Variants in GPM6A observed in about 807,000 individuals in gnomAD.
GPM6A encodes neuronal membrane glycoprotein M6-a.
Under a neutral mutation model 32.1 loss-of-function variants are expected in GPM6A, and 7 were observed. The observed-to-expected ratio is 0.22, with a 90% CI of 0.12 to 0.41. GPM6A has a LOEUF of 0.41. Among genes scored for constraint, GPM6A ranks in the 10% least tolerant of loss-of-function variants. The pLI is 1.00. For missense variants in GPM6A, 235 were observed against 347.2 expected, an observed-to-expected ratio of 0.68 and a Z score of 2.57; for synonymous variants, 130 against 123.4, an observed-to-expected ratio of 1.05 and a Z score of -0.35.
At chr4:175,962,395 C>G in intron 1 of GPM6A, 1 of 735,974 alleles carries the variant, frequency 1.4e-6, no homozygotes, top group Non-Finnish European at 2.5e-6. Context: ...TCCACCCTCA[C>G]CAAGAACACT....
At chr4:175,862,755 G>A (rs770877589) in intron 1 of GPM6A, among the ~76,000 whole-genome samples, 3 of 150,502 alleles carry the variant, frequency 2.0e-5, no homozygotes, top group African/African-American at 7.3e-5. Context: ...TCTTTTCTAT[G>A]AGTCTCCATT....
At chr4:175,803,213 A>G (rs1361784774) in intron 1 of GPM6A, among the ~76,000 whole-genome samples, 4 of 150,546 alleles carry the variant, frequency 2.7e-5, no homozygotes, top group Non-Finnish European at 5.9e-5. Context: ...ATCAGCTATG[A>G]ATGGGTTTGT....
At chr4:175,812,304 T>TTTTTTG, upstream of GPM6A, 5 of 980,788 alleles carry the variant, frequency 5.1e-6, no homozygotes, top group Non-Finnish European at 5.1e-6. Context: ...ACTGGGGGTT[T>TTTTTTG]TTTTTTTTTT....
At chr4:175,846,590 A>C (rs1736094918) in intron 1 of GPM6A, among the ~76,000 whole-genome samples, 1 of 152,118 alleles carries the variant, frequency 6.6e-6, no homozygotes. Flanking sequence ...ATATGGTGCA[A>C]ATTTGGTTAC....
rs566270891 is a variant in GPM6A at position 175,792,072 on chromosome 4, T to G, written c.37+20119A>C. Among the ~76,000 whole-genome samples the G allele has an allele frequency of 3.4e-4, 52 of 152,310 alleles. 3 individuals carry two copies. In the South Asian group the frequency reaches 0.011, roughly 31 times the overall value. ...TAAAGCTACAAATAAATGATTGTAT[T>G]TGTTTACAGTATAACAGTTATTGAC... On this transcript the variant is annotated intron_variant, in intron 1 of 6. Coordinates refer to ENST00000393658, the MANE Select transcript of GPM6A (RefSeq NM_201591.3).
At chr4:175,994,477 A>C (rs1439178350) in intron 1 of GPM6A, among the ~76,000 whole-genome samples, 2 of 152,218 alleles carry the variant, frequency 1.3e-5, no homozygotes, top group Non-Finnish European at 2.9e-5. Context: ...TATAAAAGTT[A>C]TGTTTACACT....
chr4:175,729,442 G>A (rs905361602), intron 1 of GPM6A, among the ~76,000 whole-genome samples: 1 of 152,100 alleles, frequency 6.6e-6, no homozygotes, highest in Non-Finnish European at 1.5e-5. Flanking sequence ...CTATTGACAA[G>A]TGGGAAGATC....
intron 1 of GPM6A, among the ~76,000 whole-genome samples, chr4:175,991,841 C>T (rs1330911379): frequency 6.6e-6 from 1 of 151,930 alleles, no homozygotes; most frequent in East Asian, 1.9e-4. Context: ...AGGATTTAAC[C>T]ATGATGGTCA....
chr4:175,641,804 C>G (rs1386132513), intron 4 of GPM6A: 1 of 152,126 alleles, frequency 6.6e-6, no homozygotes, highest in Non-Finnish European at 1.5e-5. Context: ...ATTCTCATGC[C>G]TCAACCTCCA....
intron 1 of GPM6A, among the ~76,000 whole-genome samples, chr4:175,811,512 A>G (rs1734918270): frequency 6.6e-6 from 1 of 152,314 alleles, no homozygotes; most frequent in Middle Eastern, 3.4e-3. Context: ...ATTTCACTTT[A>G]ACTCATACAG....
intron 1 of GPM6A, among the ~76,000 whole-genome samples, chr4:175,971,673 G>A (rs1468667539): frequency 6.6e-6 from 1 of 152,190 alleles, no homozygotes; most frequent in Non-Finnish European, 1.5e-5. Flanking sequence ...TAGAGAGATG[G>A]TAGAAGAAAC....
chr4:175,677,773 G>A (rs1045918924), intron 2 of GPM6A, among the ~76,000 whole-genome samples: 3 of 151,866 alleles, frequency 2.0e-5, no homozygotes, highest in African/African-American at 7.3e-5. Flanking sequence ...TTTTAGAAAA[G>A]AACTTATAAA....
intron 1 of GPM6A, among the ~76,000 whole-genome samples, chr4:175,891,175 A>T (rs1337764243): frequency 1.3e-5 from 2 of 152,164 alleles, no homozygotes; most frequent in Non-Finnish European, 2.9e-5. Flanking sequence ...AAATAAAAAC[A>T]AGTCTGAATT....
intron 1 of GPM6A, among the ~76,000 whole-genome samples, chr4:175,730,066 A>G (rs1429911591): frequency 6.6e-6 from 1 of 151,602 alleles, no homozygotes. Context: ...TTGGCTTCCA[A>G]CTATTATTGA....
chr4:175,665,586 C>T (rs1201300567), intron 3 of GPM6A, among the ~76,000 whole-genome samples: 3 of 151,890 alleles, frequency 2.0e-5, no homozygotes, highest in Non-Finnish European at 2.9e-5. Context: ...GTGTTTGAGA[C>T]CAGCCTGACC....
chr4:175,844,391 C>T (rs1279755318), intron 1 of GPM6A, among the ~76,000 whole-genome samples: 1 of 152,168 alleles, frequency 6.6e-6, no homozygotes, highest in Non-Finnish European at 1.5e-5. Flanking sequence ...ACCTGCTTTA[C>T]TCTCTGTCAA....
intron 2 of GPM6A, among the ~76,000 whole-genome samples, chr4:175,698,737 A>C (rs1744710950): frequency 6.6e-6 from 1 of 152,144 alleles, no homozygotes; most frequent in Non-Finnish European, 1.5e-5. Context: ...TAATTTTGAC[A>C]TTTACTTTTA....
At chr4:175,995,520 A>T (rs1213961359) in intron 1 of GPM6A, among the ~76,000 whole-genome samples, 4 of 152,170 alleles carry the variant, frequency 2.6e-5, no homozygotes, top group African/African-American at 9.7e-5. Context: ...GTCAGCTTGA[A>T]AGAAAGGCAT....
At chr4:175,862,552 C>T (rs780316018) in intron 1 of GPM6A, among the ~76,000 whole-genome samples, 5 of 152,160 alleles carry the variant, frequency 3.3e-5, no homozygotes, top group Non-Finnish European at 7.3e-5. Flanking sequence ...CATCTATATA[C>T]TTTCTGGTAT....
Sources: gnomAD v4.1 joint callset for allele counts (sites outside exome capture counted in the v4.1 genomes callset) on GRCh38, gnomAD v4.1.1 for gene constraint, MANE v1.5 for transcripts, NCBI Gene and HGNC (gene_info 2026-07-23, HGNC 2026-07-21) for gene names.